ERC1: variants seen among roughly 807,000 people sequenced by gnomAD.
The protein encoded by ERC1 is RAB6 interacting protein 2.
In ERC1, 56 loss-of-function variants were observed where a neutral mutation model predicts 132.0. That is an observed-to-expected ratio of 0.42 (90% CI 0.34 to 0.53). The LOEUF (loss-of-function observed/expected upper bound fraction) is 0.53. Among genes scored for constraint, ERC1 ranks in the 20% least tolerant of loss-of-function variants. The pLI, the probability that ERC1 is intolerant of heterozygous loss-of-function variation, is 0.03. For missense variants in ERC1, 1,202 were observed against 1,349.9 expected (o/e 0.89, Z 1.72); for synonymous variants, 478 against 476.1 (o/e 1.00, Z -0.05).
intron 12 of ERC1, among the ~76,000 whole-genome samples, chr12:1,208,082 A>G (rs1957509100): frequency 6.6e-6 from 1 of 152,172 alleles, no homozygotes; most frequent in African/African-American, 2.4e-5. Flanking sequence ...TAACAACTAT[A>G]TGAATTGGAT....
At chr12:1,105,782 AAT>A (rs1485871919) in intron 4 of ERC1, among the ~76,000 whole-genome samples, 2 of 152,206 alleles carry the variant, frequency 1.3e-5, no homozygotes, top group African/African-American at 4.8e-5. Context: ...GACAAATATT[AAT>A]ATAATGACTA....
chr12:1,457,839 G>A lies in ERC1; in HGVS notation c.3213+13089G>A, dbSNP rs545515197. ...GCCCAGCAGGTTGAGGCTGCAGTGA[G>A]CCAAGATAGCACCACTGCCCTCCAG... On this transcript the variant is annotated intron_variant, in intron 18 of 18. Transcript: ENST00000360905. 1.3e-4 allele frequency among the ~76,000 whole-genome samples: 20 copies of A among 152,290 alleles called. No individual in the cohort carries two copies. In the East Asian group the frequency reaches 3.9e-3, roughly 29 times the overall value.
chr12:1,257,927 C>G (rs2076909277), intron 13 of ERC1, among the ~76,000 whole-genome samples: 1 of 152,102 alleles, frequency 6.6e-6, no homozygotes. Context: ...TGTTGTACCT[C>G]CTTTTTTTAA....
chr12:1,448,378 G>C (rs1413482178), intron 18 of ERC1, among the ~76,000 whole-genome samples: 2 of 152,144 alleles, frequency 1.3e-5, no homozygotes, highest in African/African-American at 4.8e-5. Flanking sequence ...AGCTTCTAAA[G>C]GTTGGTGGAG....
chr12:1,162,376 T>TA (rs1951959859), intron 8 of ERC1, among the ~76,000 whole-genome samples: 1 of 152,228 alleles, frequency 6.6e-6, no homozygotes, highest in African/African-American at 2.4e-5. Flanking sequence ...TTATAAATGA[T>TA]AATGTAGCTT....
Position 1,189,863 on chromosome 12 carries a change from A to G in ERC1, c.2162A>G (p.His721Arg), listed in dbSNP as rs1955527625. The change falls in exon 12 of 19, where the codon CAT becomes CGT. Residue 721 changes from histidine to arginine, a missense_variant. His to Arg is a conservative substitution (Grantham distance 29). Transcript: ENST00000360905. Reference sequence around the variant, plus strand: ...TTGAAATGCTTTTCTTTGTAGGCACATGAGGCAGCATTGGAAGCCAGAGCC... The same window carrying G: ...TTGAAATGCTTTTCTTTGTAGGCACGTGAGGCAGCATTGGAAGCCAGAGCC... ...LKMESQLKKA[H>R]EAALEARASP... 11 of 1,601,290 alleles carry G rather than the reference A, an allele frequency of 6.9e-6. No individual in the cohort carries two copies. Among genetic ancestry groups the G allele is most frequent in the Non-Finnish European group, 9.4e-6 (11 of 1,172,762 alleles).
intron 17 of ERC1, among the ~76,000 whole-genome samples, chr12:1,425,775 A>G (rs2092615963): frequency 6.6e-6 from 1 of 152,208 alleles, no homozygotes; most frequent in African/African-American, 2.4e-5. Context: ...CAAGGTTCAG[A>G]TATGTCTGTT....
At chr12:1,249,986 C>T (rs541844696) in intron 13 of ERC1, among the ~76,000 whole-genome samples, 1 of 152,338 alleles carries the variant, frequency 6.6e-6, no homozygotes, top group East Asian at 1.9e-4. Context: ...AATACCATCA[C>T]ATTGGTGATT....
At chr12:1,105,655 C>G (rs1945180218) in intron 4 of ERC1, among the ~76,000 whole-genome samples, 1 of 152,140 alleles carries the variant, frequency 6.6e-6, no homozygotes, top group Non-Finnish European at 1.5e-5. Context: ...CCGCACCTGG[C>G]CAAGATTTAT....
In ERC1 at chr12:1,090,910, T is replaced by C. The variant is rs1193563460; in HGVS notation, c.1086+7330T>C. Among the ~76,000 whole-genome samples the C allele has an allele frequency of 1.7e-4, 5 of 29,432 alleles. 1 individual carries two copies. Among genetic ancestry groups the C allele is most frequent in the Admixed American group, 4.0e-4 (1 of 2,496 alleles). The allele number at this position is 29,432 out of a possible 152,430, so 19.3% of individuals were successfully genotyped here. On this transcript the variant is annotated intron_variant, in intron 3 of 18. Coordinates refer to ENST00000360905, the MANE Select transcript of ERC1 (RefSeq NM_178040.4). ...TTATTATTATTATTATTATTATTAT[T>C]ATCATTTGTGACAGAGCTTTGCTCT...
chr12:1,282,400 C>T (rs1466889573), intron 14 of ERC1, among the ~76,000 whole-genome samples: 1 of 152,116 alleles, frequency 6.6e-6, no homozygotes, highest in Non-Finnish European at 1.5e-5. Flanking sequence ...ATCTAAAGCA[C>T]TTAGAACAGT....
chr12:1,175,465 CAA>C (rs57139834), intron 8 of ERC1, among the ~76,000 whole-genome samples: 2 of 142,128 alleles, frequency 1.4e-5, no homozygotes. Flanking sequence ...GATTCTGTCT[CAA>C]AAAAAAAAAG....
chr12:1,352,179 T>C (rs1165538626), intron 15 of ERC1, among the ~76,000 whole-genome samples: 4 of 152,180 alleles, frequency 2.6e-5, no homozygotes, highest in Middle Eastern at 3.2e-3. Context: ...TATCACCCTG[T>C]TCCTGTTGCT....
chr12:1,322,681 A>G (rs780408600), intron 15 of ERC1, among the ~76,000 whole-genome samples: 5 of 152,292 alleles, frequency 3.3e-5, no homozygotes, highest in Middle Eastern at 3.4e-3. Flanking sequence ...CTCACCTGAT[A>G]AAATTTTCCA....
At chr12:1,320,083 A>T (rs1360173603) in intron 15 of ERC1, among the ~76,000 whole-genome samples, 2 of 152,180 alleles carry the variant, frequency 1.3e-5, no homozygotes, top group African/African-American at 4.8e-5. Flanking sequence ...CAGTGTATAG[A>T]TACTGCATTA....
chr12:1,399,200 C>T (rs1161284892), intron 16 of ERC1, among the ~76,000 whole-genome samples: 2 of 152,036 alleles, frequency 1.3e-5, no homozygotes, highest in Non-Finnish European at 2.9e-5. Flanking sequence ...AGTCCTCCCA[C>T]CTCAGCATTC....
At chr12:1,484,682 A>G (rs535369052) in intron 18 of ERC1, among the ~76,000 whole-genome samples, 2 of 151,322 alleles carry the variant, frequency 1.3e-5, no homozygotes, top group Non-Finnish European at 2.9e-5. Flanking sequence ...GGCTCAAGCA[A>G]TTCTCCTGCC....
chr12:1,171,172 C>T (rs941203432), intron 8 of ERC1, among the ~76,000 whole-genome samples: 8 of 152,084 alleles, frequency 5.3e-5, no homozygotes, highest in African/African-American at 9.7e-5. Flanking sequence ...GACATCTTTG[C>T]TGGGCTTATT....
At position 1,107,322 on chromosome 12, in the gene ERC1, G is replaced by C. The variant is rs970267841; in HGVS notation, c.1161+2498G>C. Reference sequence around the variant, plus strand: ...TAGATAAAGCAGAGCGAGTGATTGGGATGCAAATGAATTGAGGGTGATGAT... The same window carrying C: ...TAGATAAAGCAGAGCGAGTGATTGGCATGCAAATGAATTGAGGGTGATGAT... On this transcript the variant is annotated intron_variant, in intron 4 of 18. Transcript: ENST00000360905. Among the ~76,000 whole-genome samples, 5 of 152,270 alleles carry C rather than the reference G, an allele frequency of 3.3e-5. No homozygotes were observed. The South Asian group carries it at 1.0e-3, about 32-fold the overall frequency.
Sources: gnomAD v4.1 joint callset for allele counts (sites outside exome capture counted in the v4.1 genomes callset) on GRCh38, gnomAD v4.1.1 for gene constraint, MANE v1.5 for transcripts, NCBI Gene and HGNC (gene_info 2026-07-23, HGNC 2026-07-21) for gene names.